Variants in NMBR observed in about 807,000 individuals in gnomAD.
NMBR encodes neuromedin B receptor, also known as neuromedin-B receptor.
In NMBR, 16 loss-of-function variants were observed where a neutral mutation model predicts 20.5. The ratio of observed to expected loss-of-function variants is 0.78; its 90% CI spans 0.53 to 1.19. The LOEUF (loss-of-function observed/expected upper bound fraction) is 1.19, where lower values mean the gene tolerates loss of function less well. Among genes scored for constraint, NMBR ranks in the 50% most tolerant of loss-of-function variants. The pLI, the probability that NMBR is intolerant of heterozygous loss-of-function variation, is 0.00. For missense variants in NMBR, 582 were observed against 499.1 expected (o/e 1.17, Z -1.58); for synonymous variants, 212 against 196.6 (o/e 1.08, Z -0.65).
intron 1 of NMBR, among the ~76,000 whole-genome samples, chr6:142,127,849 C>A (rs1778065324): frequency 6.6e-6 from 1 of 151,922 alleles, no homozygotes; most frequent in African/African-American, 2.4e-5. Context: ...TGTCCTGCAA[C>A]TTTACTGAAT....
intron 1 of NMBR, among the ~76,000 whole-genome samples, chr6:142,097,632 G>A (rs1323061027): frequency 8.6e-5 from 13 of 151,984 alleles, no homozygotes; most frequent in Non-Finnish European, 1.8e-4. Flanking sequence ...TATGTAGAAC[G>A]CAACAAGGTA....
chr6:142,136,946 T>G (rs1486786866), intron 1 of NMBR, among the ~76,000 whole-genome samples: 1 of 152,212 alleles, frequency 6.6e-6, no homozygotes. Flanking sequence ...TGCAGCTTTG[T>G]TCTTTTGGCT....
chr6:142,133,920 G>T (rs1170642848), intron 1 of NMBR: 1 of 702,204 alleles, frequency 1.4e-6, no homozygotes. Flanking sequence ...TTCTTCCTCG[G>T]GGTGCTAGGC....
chr6:142,078,917 A>G lies in NMBR; in HGVS notation c.423-14T>C. 6.6e-7 allele frequency: 1 copy of G among 1,521,198 alleles called. No individual in the cohort carries two copies. The highest frequency in any genetic ancestry group is 8.9e-7 in the Non-Finnish European group (1 of 1,119,000). 94.2% of individuals were successfully genotyped at this position (1,521,198 alleles called of 1,614,324 possible). ...ATGGCTCTGTACCTGGGAAAATGAT[A>G]CATCTCAAGTTATTCCAGAAAGAAA... is the stretch of plus-strand genomic sequence containing the variant. On this transcript the variant is annotated splice_polypyrimidine_tract_variant and intron_variant, in intron 2 of 3. Coordinates refer to ENST00000258042, the MANE Select transcript of NMBR (RefSeq NM_002511.4).
chr6:142,104,135 C>G (rs949307193), intron 1 of NMBR, among the ~76,000 whole-genome samples: 3 of 152,168 alleles, frequency 2.0e-5, no homozygotes, highest in Admixed American at 6.5e-5. Context: ...GTCCTTGCCT[C>G]CCAAAATGCT....
At chr6:142,131,779 T>G (rs1778147296) in intron 1 of NMBR, among the ~76,000 whole-genome samples, 1 of 152,164 alleles carries the variant, frequency 6.6e-6, no homozygotes, top group Non-Finnish European at 1.5e-5. Context: ...CTTCTACACA[T>G]GCAATTAAGG....
chr6:142,128,745 T>A (rs1358138212), intron 1 of NMBR, among the ~76,000 whole-genome samples: 1 of 152,022 alleles, frequency 6.6e-6, no homozygotes, highest in African/African-American at 2.4e-5. Context: ...CTTCTATCTA[T>A]GTTGCTGAAT....
chr6:142,137,604 C>A (rs1445354354), intron 1 of NMBR, among the ~76,000 whole-genome samples: 1 of 152,148 alleles, frequency 6.6e-6, no homozygotes, highest in Non-Finnish European at 1.5e-5. Context: ...CCAGTTTTTG[C>A]CCATTCAGTA....
In NMBR at chr6:142,115,123, C is replaced by T. The variant is rs1389719917; in HGVS notation, c.-663-25802G>A. 2.0e-5 allele frequency among the ~76,000 whole-genome samples: 3 copies of T among 152,048 alleles called. No individual in the cohort carries two copies. In the East Asian group the frequency reaches 5.8e-4, roughly 29 times the overall value. The stretch of plus-strand genomic sequence containing the variant: ...TTTCTGCTCAAATCGACTGGTTTTT[C>T]TAATTTATGCAAATACGTCAAGTGA... On this transcript the variant is annotated intron_variant, in intron 1 of 3. Coordinates refer to ENST00000258042, the MANE Select transcript of NMBR (RefSeq NM_002511.4).
Position 142,075,697 on chromosome 6 carries a change from T to C in NMBR, c.1124A>G (p.Asn375Ser), listed in dbSNP as rs773165958. 35 of 1,613,490 alleles carry C rather than the reference T, an allele frequency of 2.2e-5. No individual in the cohort carries two copies. The highest frequency in any genetic ancestry group is 2.8e-5 in the Non-Finnish European group (33 of 1,179,770). Residue 375 changes from asparagine to serine, a missense_variant, in exon 4 of 4, where the codon AAT (asparagine) becomes AGT (serine). Asn to Ser is a conservative substitution (Grantham distance 46). Coordinates refer to ENST00000258042, the MANE Select transcript of NMBR (RefSeq NM_002511.4). ...LKSNAKNMVT[N>S]SVLLNGHSMK... ...GCTGTGCCCATTTAGTAAAACAGAA[T>C]TGGTCACCATGTTCTTAGCATTGCT...
At position 142,140,982 on chromosome 6, in the gene NMBR, A is replaced by G. The variant is rs558416525; in HGVS notation, c.-664+6062T>C. Among the ~76,000 whole-genome samples, 7 of 152,324 alleles carry G rather than the reference A, an allele frequency of 4.6e-5. No homozygotes were observed. In the East Asian group the frequency reaches 1.3e-3, roughly 29 times the overall value. On this transcript the variant is annotated intron_variant, in intron 1 of 3. Transcript: ENST00000258042. ...AAAAGAAATATATCCTATTATAGCT[A>G]AAGATTTCAACACTTCTCTCTCAGT... is the stretch of plus-strand genomic sequence containing the variant.
At chr6:142,127,627 A>G (rs1014318953) in intron 1 of NMBR, among the ~76,000 whole-genome samples, 1 of 151,954 alleles carries the variant, frequency 6.6e-6, no homozygotes, top group African/African-American at 2.4e-5. Context: ...ATGCATATGA[A>G]TGTCTTTCCA....
At chr6:142,117,090 A>G (rs1777868831) in intron 1 of NMBR, among the ~76,000 whole-genome samples, 1 of 151,974 alleles carries the variant, frequency 6.6e-6, no homozygotes, top group Non-Finnish European at 1.5e-5. Flanking sequence ...TTGTGTGTAC[A>G]ATAATGCTTG....
intron 1 of NMBR, among the ~76,000 whole-genome samples, chr6:142,118,911 T>C (rs1777897975): frequency 6.6e-6 from 1 of 151,988 alleles, no homozygotes; most frequent in Non-Finnish European, 1.5e-5. Context: ...GAAAAGATTC[T>C]GAGATAATAA....
intron 1 of NMBR, among the ~76,000 whole-genome samples, chr6:142,097,418 A>G (rs530230358): frequency 6.6e-6 from 1 of 152,190 alleles, no homozygotes; most frequent in South Asian, 2.1e-4. Flanking sequence ...ACGCATCATA[A>G]GTTGAAAATA....
At chr6:142,123,236 T>A (rs1777975180) in intron 1 of NMBR, among the ~76,000 whole-genome samples, 1 of 151,790 alleles carries the variant, frequency 6.6e-6, no homozygotes, top group Non-Finnish European at 1.5e-5. Flanking sequence ...GCAGATGGGA[T>A]GGAAAGAGCA....
intron 1 of NMBR, among the ~76,000 whole-genome samples, chr6:142,113,465 A>G (rs1274041798): frequency 6.6e-6 from 1 of 152,196 alleles, no homozygotes; most frequent in East Asian, 1.9e-4. Context: ...TGAGGTTTAT[A>G]AAATAGATTT....
intron 1 of NMBR, among the ~76,000 whole-genome samples, chr6:142,128,355 A>G (rs1197177632): frequency 1.3e-5 from 2 of 152,074 alleles, no homozygotes; most frequent in Non-Finnish European, 2.9e-5. Flanking sequence ...AGGCTAGTAC[A>G]GATATCTTTT....
At position 142,088,715 on chromosome 6, in the gene NMBR, C is replaced by CT; in HGVS notation, c.-58dup. On this transcript the variant is annotated 5_prime_UTR_variant, in exon 2 of 4. Transcript: ENST00000258042. ...TTCACGCGCTCCGGTGCCCTGAGGA[C>CT]TGAACGCCCACGATTTAGGTTTAAT... is the stretch of plus-strand genomic sequence containing the variant. The CT allele has an allele frequency of 6.8e-7, 1 of 1,479,488 alleles. No homozygotes were observed. The highest frequency in any genetic ancestry group is 9.1e-7 in the Non-Finnish European group (1 of 1,095,082). 91.6% of individuals were successfully genotyped at this position (1,479,488 alleles called of 1,614,324 possible). A position where few individuals can be genotyped will look rare whatever the true frequency, so the allele number is the denominator to read the frequency against.
Sources: allele counts gnomAD v4.1 joint callset (sites outside exome capture counted in the v4.1 genomes callset), GRCh38; gene constraint gnomAD v4.1.1; transcripts MANE v1.5; gene names NCBI Gene and HGNC (gene_info 2026-07-23, HGNC 2026-07-21).